KLHL15: variants seen among roughly 807,000 people sequenced by gnomAD.
KLHL15 encodes kelch like family member 15, also known as kelch-like protein 15.
A neutral mutation model predicts 29.3 loss-of-function variants in KLHL15; 1 was observed. The ratio of observed to expected loss-of-function variants is 0.03; its 90% CI spans 0.01 to 0.16. KLHL15 has a LOEUF of 0.16. KLHL15 is among the 10% of genes least tolerant of loss of function. KLHL15 has a pLI of 1.00. For missense variants in KLHL15, 215 were observed against 478.5 expected, an observed-to-expected ratio of 0.45 and a Z score of 5.14; for synonymous variants, 212 against 184.5, an observed-to-expected ratio of 1.15 and a Z score of -1.21.
chrX:24,002,143 G>GAATGAATA (rs1929339615), intron 3 of KLHL15, among the ~76,000 whole-genome samples: 1 of 107,660 alleles, frequency 9.3e-6, no homozygotes, highest in African/African-American at 3.5e-5. Flanking sequence ...AAAAGAAAAT[G>GAATGAATA]AATAAATAAA....
chrX:24,027,000 A>G (rs1678310401), intron 1 of KLHL15, 140 bp downstream of exon 1: 1 of 112,344 alleles, frequency 8.9e-6, no homozygotes, highest in Non-Finnish European at 1.9e-5. Flanking sequence ...ATTAAATCAT[A>G]AAATAAACTT....
chrX:24,001,185 T>C (rs899668678), intron 3 of KLHL15, among the ~76,000 whole-genome samples: 1 of 112,001 alleles, frequency 8.9e-6, no homozygotes, highest in Non-Finnish European at 1.9e-5. Flanking sequence ...TCTACTTCCT[T>C]AATAGCCAAT....
chrX:24,015,410 C>T (rs7886711), intron 2 of KLHL15, among the ~76,000 whole-genome samples: 11,122 of 112,043 alleles, frequency 0.099, 643 homozygotes, highest in African/African-American at 0.22. Context: ...AACTCATCTG[C>T]GATAGCCGAG....
intron 2 of KLHL15, among the ~76,000 whole-genome samples, chrX:24,011,182 A>G (rs1929566806): frequency 1.9e-5 from 2 of 107,566 alleles, no homozygotes; most frequent in Non-Finnish European, 3.8e-5. Context: ...AAAAAAAAAA[A>G]GAAAAAAGAA....
chrX:24,018,120 G>A (rs1295935592), intron 2 of KLHL15, among the ~76,000 whole-genome samples: 1 of 111,378 alleles, frequency 9.0e-6, no homozygotes, highest in Non-Finnish European at 1.9e-5. Flanking sequence ...AGAAATCTAA[G>A]TACAGAATTA....
chrX:24,017,968 G>C (rs1242119949), intron 2 of KLHL15, among the ~76,000 whole-genome samples: 3 of 109,912 alleles, frequency 2.7e-5, no homozygotes, highest in Admixed American at 9.9e-5. Flanking sequence ...AGCAGAGCTT[G>C]GTGGCGTGCT....
intron 2 of KLHL15, among the ~76,000 whole-genome samples, chrX:24,022,519 A>G (rs1305381626): frequency 9.3e-6 from 1 of 107,200 alleles, no homozygotes; most frequent in African/African-American, 3.4e-5. Flanking sequence ...CTATAATCCC[A>G]GCTACTTAGT....
intron 2 of KLHL15, among the ~76,000 whole-genome samples, chrX:24,021,856 G>A (rs191383659): frequency 6.6e-4 from 73 of 109,800 alleles, no homozygotes; most frequent in African/African-American, 2.3e-3. Context: ...ATGAGCTATA[G>A]CACTCCAATT....
At chrX:24,015,455 T>C (rs1351978761) in intron 2 of KLHL15, among the ~76,000 whole-genome samples, 1 of 112,480 alleles carries the variant, frequency 8.9e-6, no homozygotes, top group East Asian at 2.7e-4. Flanking sequence ...CCTAAAAAGC[T>C]TAGTGCATTT....
chrX:23,994,066 A>G (rs1042626100), intron 3 of KLHL15, among the ~76,000 whole-genome samples: 15 of 109,052 alleles, frequency 1.4e-4, no homozygotes, highest in Non-Finnish European at 2.7e-4. Context: ...AAAAAAAGAA[A>G]AAAAGAAAAT....
chrX:24,005,673 A>T (rs1267542047), intron 3 of KLHL15, among the ~76,000 whole-genome samples: 1 of 112,228 alleles, frequency 8.9e-6, no homozygotes, highest in Non-Finnish European at 1.9e-5. Flanking sequence ...ATGAAAAGAA[A>T]AGCTACAGCA....
intron 3 of KLHL15, among the ~76,000 whole-genome samples, chrX:23,997,730 CAAAAAAAAAAAAAA>C (rs59857010): frequency 1.7e-4 from 4 of 24,234 alleles, no homozygotes; most frequent in Admixed American, 7.3e-4. Flanking sequence ...GACTCTGTCT[CAAAAAAAAAAAAAA>C]AAAAAAAAAA....
chrX:24,021,062 A>C (rs1430788014), intron 2 of KLHL15, among the ~76,000 whole-genome samples: 1 of 112,071 alleles, frequency 8.9e-6, no homozygotes, highest in Admixed American at 9.6e-5. Flanking sequence ...ACCTGACAAC[A>C]TATTTTGTCT....
At chrX:24,026,907 T>G in intron 1 of KLHL15, among the ~76,000 whole-genome samples, 1 of 112,544 alleles carries the variant, frequency 8.9e-6, no homozygotes, top group Middle Eastern at 4.6e-3. Flanking sequence ...TGTTCATTAT[T>G]TAAAAATCCC....
At chrX:24,001,227 G>C (rs1474484332) in intron 3 of KLHL15, among the ~76,000 whole-genome samples, 1 of 111,650 alleles carries the variant, frequency 9.0e-6, no homozygotes, top group Admixed American at 9.6e-5. Context: ...TAAATACAAA[G>C]CTGAACTAAT....
At chrX:24,018,565 C>G (rs918380869) in intron 2 of KLHL15, among the ~76,000 whole-genome samples, 2 of 111,068 alleles carry the variant, frequency 1.8e-5, no homozygotes, top group Non-Finnish European at 1.9e-5. Flanking sequence ...AAGAAAGCCT[C>G]ACATTTTTGT....
At chrX:24,007,449 T>C (rs5970811) in intron 2 of KLHL15, among the ~76,000 whole-genome samples, 38,928 of 92,507 alleles carry the variant, frequency 0.42, 7,575 homozygotes, top group South Asian at 0.79. Context: ...GCCAAGATCA[T>C]GCCACTACAT....
At chrX:24,009,071 C>T (rs1215687213) in intron 2 of KLHL15, among the ~76,000 whole-genome samples, 1 of 111,487 alleles carries the variant, frequency 9.0e-6, no homozygotes, top group African/African-American at 3.3e-5. Flanking sequence ...AAGACTTCAA[C>T]ACCTGGGCCA....
At chrX:24,008,298 T>C (rs1225738539) in intron 2 of KLHL15, among the ~76,000 whole-genome samples, 1 of 112,286 alleles carries the variant, frequency 8.9e-6, no homozygotes, top group African/African-American at 3.2e-5. Context: ...TGGAGTGCAG[T>C]GGCACAATCT....
Sources: gnomAD v4.1 joint callset for allele counts (sites outside exome capture counted in the v4.1 genomes callset) on GRCh38, gnomAD v4.1.1 for gene constraint, MANE v1.5 for transcripts, NCBI Gene and HGNC (gene_info 2026-07-23, HGNC 2026-07-21) for gene names.